The following SCN9A variants were observed in gnomAD, a reference collection of about 807,000 sequenced individuals.
SCN9A encodes the protein sodium channel protein type 9 subunit alpha.
Under a neutral mutation model 187.0 loss-of-function variants are expected in SCN9A, and 131 were observed. The ratio of observed to expected loss-of-function variants is 0.70; its 90% confidence interval spans 0.61 to 0.81. SCN9A has a LOEUF of 0.81. Ranked by LOEUF, SCN9A falls within the 30% of genes least tolerant of loss-of-function variation. The pLI, the probability that SCN9A is intolerant of heterozygous loss-of-function variation, is 0.00. For missense variants in SCN9A, 2,252 were observed against 2,396.6 expected, an observed-to-expected ratio of 0.94 and a Z score of 1.26; for synonymous variants, 809 against 808.6, an observed-to-expected ratio of 1.00 and a Z score of -0.01.
intron 2 of SCN9A, among the ~76,000 whole-genome samples, chr2:166,309,351 A>G (rs6732627): frequency 0.63 from 95,867 of 152,072 alleles, 30,763 homozygotes; most frequent in African/African-American, 0.73. Context: ...TTGGGTCTGC[A>G]TACACATGAG....
At chr2:166,219,030 C>T (rs1479957692) in intron 24 of SCN9A, among the ~76,000 whole-genome samples, 1 of 152,132 alleles carries the variant, frequency 6.6e-6, no homozygotes, top group African/African-American at 2.4e-5. Flanking sequence ...CATCTCACAC[C>T]AGTCAGAATG....
At chr2:166,295,153 A>C (rs1698242018) in intron 7 of SCN9A, among the ~76,000 whole-genome samples, 1 of 152,160 alleles carries the variant, frequency 6.6e-6, no homozygotes, top group African/African-American at 2.4e-5. Context: ...AAGAGAAAGA[A>C]CTAAAGCCCT....
chr2:166,304,420 C>G, intron 5 of SCN9A, 91 bp from the exon 6 acceptor site: 1 of 1,094,576 alleles, frequency 9.1e-7, no homozygotes, highest in African/African-American at 1.6e-5. Context: ...ACGTTTGGGG[C>G]TTCTATTTTA....
intron 1 of SCN9A, among the ~76,000 whole-genome samples, chr2:166,363,730 T>C (rs1700346221): frequency 6.6e-6 from 1 of 151,604 alleles, no homozygotes; most frequent in South Asian, 2.1e-4. Flanking sequence ...AACGTCAGAG[T>C]TAGAACTGTA....
At chr2:166,207,893 A>T (rs936172323) in intron 24 of SCN9A, among the ~76,000 whole-genome samples, 1 of 152,190 alleles carries the variant, frequency 6.6e-6, no homozygotes, top group Non-Finnish European at 1.5e-5. Context: ...ATTAATGGGG[A>T]CTGAAAATTA....
At chr2:166,239,392 T>A (rs1695467919) in intron 19 of SCN9A, among the ~76,000 whole-genome samples, 1 of 152,192 alleles carries the variant, frequency 6.6e-6, no homozygotes. Context: ...ATTTATTACC[T>A]GTCTACAGTC....
At chr2:166,252,872 G>A (rs1696107387) in intron 17 of SCN9A, among the ~76,000 whole-genome samples, 1 of 151,834 alleles carries the variant, frequency 6.6e-6, no homozygotes, top group African/African-American at 2.4e-5. Flanking sequence ...GAGTAAAGCA[G>A]CATATCAATG....
intron 19 of SCN9A, among the ~76,000 whole-genome samples, chr2:166,239,428 C>T (rs957252226): frequency 2.6e-5 from 4 of 152,078 alleles, no homozygotes; most frequent in African/African-American, 9.7e-5. Context: ...TCAGATTCTT[C>T]TTATTCTACG....
At chr2:166,278,557 A>G (rs12468044) in intron 14 of SCN9A, among the ~76,000 whole-genome samples, 2,409 of 152,304 alleles carry the variant, frequency 0.016, 114 homozygotes, top group Admixed American at 0.098. Context: ...TTTAGACAGC[A>G]TTTTAGAATA....
intron 1 of SCN9A, among the ~76,000 whole-genome samples, chr2:166,341,907 C>T (rs1045408181): frequency 3.9e-5 from 6 of 152,240 alleles, no homozygotes; most frequent in South Asian, 4.1e-4. Flanking sequence ...AGAAAGGTTT[C>T]GGTTTTAACC....
At chr2:166,234,129 C>A (rs78357833) in intron 20 of SCN9A, among the ~76,000 whole-genome samples, 3,142 of 152,162 alleles carry the variant, frequency 0.021, 118 homozygotes, top group African/African-American at 0.072. Flanking sequence ...AGATCAGCCA[C>A]AATTACCATA....
At chr2:166,368,459 C>A (rs1700470312) in intron 1 of SCN9A, among the ~76,000 whole-genome samples, 1 of 151,714 alleles carries the variant, frequency 6.6e-6, no homozygotes, top group Admixed American at 6.6e-5. Flanking sequence ...CATGGTGAAA[C>A]CCCATCTCTA....
chr2:166,314,572 G>C (rs1015746496), intron 1 of SCN9A, among the ~76,000 whole-genome samples: 1 of 152,096 alleles, frequency 6.6e-6, no homozygotes, highest in South Asian at 2.1e-4. Context: ...ACTCACCAAT[G>C]AATAAATGGA....
intron 19 of SCN9A, among the ~76,000 whole-genome samples, chr2:166,239,879 T>G (rs866863012): frequency 6.6e-6 from 1 of 152,214 alleles, no homozygotes; most frequent in African/African-American, 2.4e-5. Context: ...ACAGGGGTTC[T>G]AGCTTCCAGA....
At chr2:166,249,539 C>G (rs1404374311) in intron 18 of SCN9A, among the ~76,000 whole-genome samples, 11 of 152,110 alleles carry the variant, frequency 7.2e-5, no homozygotes, top group Admixed American at 7.2e-4. Flanking sequence ...GGATGTGACT[C>G]AGAGATATAT....
chr2:166,371,209 T>C (rs1474250132), intron 1 of SCN9A, among the ~76,000 whole-genome samples: 1 of 152,210 alleles, frequency 6.6e-6, no homozygotes, highest in Non-Finnish European at 1.5e-5. Context: ...TTACAGTAAG[T>C]TGTTATTTTA....
chr2:166,241,536 G>C (rs1339474399), intron 19 of SCN9A, among the ~76,000 whole-genome samples: 2 of 152,114 alleles, frequency 1.3e-5, no homozygotes, highest in Non-Finnish European at 2.9e-5. Context: ...CAGTTCAGCA[G>C]TTTTTAATTT....
intron 1 of SCN9A, among the ~76,000 whole-genome samples, chr2:166,337,257 C>T (rs1007305136): frequency 6.6e-6 from 1 of 151,964 alleles, no homozygotes; most frequent in African/African-American, 2.4e-5. Context: ...AGTTAATACT[C>T]CAGTGATTTC....
At chr2:166,367,958 T>C (rs918709684) in intron 1 of SCN9A, among the ~76,000 whole-genome samples, 4 of 152,262 alleles carry the variant, frequency 2.6e-5, no homozygotes, top group African/African-American at 9.6e-5. Flanking sequence ...TATGTTTGAT[T>C]GCAAATGTAA....
Sources: gnomAD v4.1 joint callset for allele counts (sites outside exome capture counted in the v4.1 genomes callset) on GRCh38, gnomAD v4.1.1 for gene constraint, MANE v1.5 for transcripts, NCBI Gene and HGNC (gene_info 2026-07-23, HGNC 2026-07-21) for gene names.